The following LUZP2 variants were observed in gnomAD, a reference collection of about 807,000 sequenced individuals.
LUZP2 encodes leucine zipper protein 2.
A neutral mutation model predicts 51.6 loss-of-function variants in LUZP2; 52 were observed. The observed-to-expected ratio is 1.01, with a 90% CI of 0.81 to 1.27. LUZP2 has a LOEUF of 1.27. LUZP2 is among the 50% of genes most tolerant of loss of function. The probability of loss-of-function intolerance (pLI) is 0.00; values close to 1 mark genes in which losing one functional copy is unlikely to be tolerated. For missense variants in LUZP2, 436 were observed against 395.4 expected, an observed-to-expected ratio of 1.10 and a Z score of -0.87; for synonymous variants, 154 against 137.3, an observed-to-expected ratio of 1.12 and a Z score of -0.85.
intron 1 of LUZP2, among the ~76,000 whole-genome samples, chr11:24,643,254 C>CAAAAGAAAAA (rs1855358475): frequency 1.3e-5 from 1 of 75,722 alleles, no homozygotes; most frequent in African/African-American, 5.6e-5. Context: ...ACTAAAAGTA[C>CAAAAGAAAAA]AAAAAAAAAA....
At chr11:25,044,253 GTGTGTATATATATATATATATATA>G (rs1279355206) in intron 9 of LUZP2, among the ~76,000 whole-genome samples, 4 of 31,804 alleles carry the variant, frequency 1.3e-4, no homozygotes, top group East Asian at 3.9e-4. Flanking sequence ...GTGTGTGTGT[GTGTGTATATATATATATATATATA>G]TATATATATA....
At chr11:24,847,823 A>G (rs956120902) in intron 5 of LUZP2, among the ~76,000 whole-genome samples, 4 of 152,140 alleles carry the variant, frequency 2.6e-5, no homozygotes, top group African/African-American at 9.7e-5. Flanking sequence ...TCATTTATTT[A>G]TATGTTACCT....
At chr11:24,873,206 T>C (rs553140846) in intron 5 of LUZP2, among the ~76,000 whole-genome samples, 4 of 152,178 alleles carry the variant, frequency 2.6e-5, no homozygotes, top group Non-Finnish European at 5.9e-5. Flanking sequence ...GTCACAAGAA[T>C]TGAGCAAGTT....
intron 1 of LUZP2, among the ~76,000 whole-genome samples, chr11:24,602,132 GTGTATATATGTATATA>G (rs879918645): frequency 2.7e-5 from 2 of 73,560 alleles, no homozygotes; most frequent in African/African-American, 1.3e-4. Flanking sequence ...ATATGTATAT[GTGTATATATGTATATA>G]TGTATATATG....
intron 1 of LUZP2, among the ~76,000 whole-genome samples, chr11:24,508,275 G>C (rs1724313101): frequency 1.3e-5 from 2 of 152,022 alleles, no homozygotes; most frequent in South Asian, 4.1e-4. Context: ...TTTTGTGTTG[G>C]CTTCATTTGT....
intron 5 of LUZP2, among the ~76,000 whole-genome samples, chr11:24,835,235 C>A (rs902172887): frequency 6.6e-6 from 1 of 152,108 alleles, no homozygotes; most frequent in African/African-American, 2.4e-5. Flanking sequence ...ATAAATGGTA[C>A]TGAGAAAACT....
In LUZP2 at chr11:24,615,262, T is replaced by C. The variant is rs369566664; in HGVS notation, c.63-113907T>C. On this transcript the variant is annotated intron_variant, in intron 1 of 11. Transcript: ENST00000336930. ...ATCGAGATACAGAACAGTTTCATCA[T>C]CACAGTGATCCTTTTTGCTTTTTTA... Among the ~76,000 whole-genome samples, 34 of 152,028 alleles carry C rather than the reference T, an allele frequency of 2.2e-4. 1 individual carries two copies. In the South Asian group the frequency reaches 5.2e-3, roughly 23 times the overall value.
intron 7 of LUZP2, among the ~76,000 whole-genome samples, chr11:24,951,696 C>G (rs1448269122): frequency 6.6e-6 from 1 of 151,380 alleles, no homozygotes. Flanking sequence ...TTTCAATTAG[C>G]CTTTCCTTTC....
chr11:24,697,950 C>G (rs1857298824), intron 1 of LUZP2, among the ~76,000 whole-genome samples: 1 of 152,132 alleles, frequency 6.6e-6, no homozygotes, highest in Admixed American at 6.6e-5. Context: ...CACCCAGAAG[C>G]TGACTCAATG....
chr11:24,806,391 T>C (rs1008578749), intron 5 of LUZP2, among the ~76,000 whole-genome samples: 1 of 152,174 alleles, frequency 6.6e-6, no homozygotes, highest in Admixed American at 6.5e-5. Flanking sequence ...CCAGAGTTTG[T>C]TTATTAGTGC....
At chr11:24,981,771 A>G (rs867633988) in intron 8 of LUZP2, among the ~76,000 whole-genome samples, 4 of 152,072 alleles carry the variant, frequency 2.6e-5, no homozygotes, top group Middle Eastern at 3.4e-3. Context: ...CTAAATACAG[A>G]AAGTTGATGC....
chr11:25,025,714 C>A (rs1210950115), intron 9 of LUZP2, among the ~76,000 whole-genome samples: 1 of 152,122 alleles, frequency 6.6e-6, no homozygotes, highest in Non-Finnish European at 1.5e-5. Flanking sequence ...ACTAGTTCAA[C>A]CCTTGTGGAA....
At chr11:24,577,454 G>T (rs867285412) in intron 1 of LUZP2, among the ~76,000 whole-genome samples, 1 of 152,064 alleles carries the variant, frequency 6.6e-6, no homozygotes, top group Non-Finnish European at 1.5e-5. Flanking sequence ...GGCATAACAT[G>T]CCTTGTAAAT....
At chr11:24,866,963 C>T (rs1373092639) in intron 5 of LUZP2, among the ~76,000 whole-genome samples, 3 of 152,080 alleles carry the variant, frequency 2.0e-5, no homozygotes, top group African/African-American at 7.2e-5. Context: ...CGGCTGCTAA[C>T]GGCATCCATT....
Position 25,012,416 on chromosome 11 carries a change from T to G in LUZP2, c.765+29123T>G, listed in dbSNP as rs1857012817. Reference sequence around the variant, plus strand: ...CCATTAGACATTGTAAATATTGGACTTCCGTCTACATCTATTCTTTAGAAC... The same window carrying G: ...CCATTAGACATTGTAAATATTGGACGTCCGTCTACATCTATTCTTTAGAAC... On this transcript the variant is annotated intron_variant, in intron 9 of 11. Coordinates refer to ENST00000336930, the MANE Select transcript of LUZP2 (RefSeq NM_001009909.4). 3.3e-5 allele frequency among the ~76,000 whole-genome samples: 5 copies of G among 152,186 alleles called. No homozygotes were observed. The South Asian group carries it at 1.0e-3, about 31-fold the overall frequency.
intron 7 of LUZP2, among the ~76,000 whole-genome samples, chr11:24,951,972 A>G (rs1370264566): frequency 1.3e-5 from 2 of 151,714 alleles, no homozygotes; most frequent in African/African-American, 2.4e-5. Flanking sequence ...TGACTGGCAC[A>G]TGGTAGATAA....
At chr11:24,625,737 A>G (rs1854654888) in intron 1 of LUZP2, among the ~76,000 whole-genome samples, 1 of 152,100 alleles carries the variant, frequency 6.6e-6, no homozygotes, top group African/African-American at 2.4e-5. Flanking sequence ...TTCCAACTCC[A>G]GAAACCAGAA....
chr11:24,841,275 C>T (rs1373892829), intron 5 of LUZP2, among the ~76,000 whole-genome samples: 1 of 152,036 alleles, frequency 6.6e-6, no homozygotes, highest in Non-Finnish European at 1.5e-5. Flanking sequence ...TAGGATAGAG[C>T]TAGAAGGTGG....
chr11:24,782,973 G>T (rs1293081307), intron 5 of LUZP2, among the ~76,000 whole-genome samples: 1 of 151,920 alleles, frequency 6.6e-6, no homozygotes, highest in Non-Finnish European at 1.5e-5. Flanking sequence ...TTGCTTACTT[G>T]CAAAGAGCCA....
Sources: allele counts gnomAD v4.1 joint callset (sites outside exome capture counted in the v4.1 genomes callset), GRCh38; gene constraint gnomAD v4.1.1; transcripts MANE v1.5; gene names NCBI Gene and HGNC (gene_info 2026-07-23, HGNC 2026-07-21).